Variants in PRDM11 observed in about 807,000 individuals in gnomAD.
PRDM11 encodes the protein PR domain-containing protein 11.
In PRDM11, 20 loss-of-function variants were observed where a neutral mutation model predicts 97.8. That is an observed-to-expected ratio of 0.20 (90% CI 0.14 to 0.30). The LOEUF (loss-of-function observed/expected upper bound fraction) is 0.30, where lower values mean the gene tolerates loss of function less well. PRDM11 is among the 10% of genes least tolerant of loss of function. The probability of loss-of-function intolerance (pLI) is 1.00; values close to 1 mark genes in which losing one functional copy is unlikely to be tolerated. For synonymous variants in PRDM11, 599 were observed against 637.7 expected, an observed-to-expected ratio of 0.94 and a Z score of 0.91; for missense variants, 1,139 against 1,555.2, an observed-to-expected ratio of 0.73 and a Z score of 4.50.
intron 5 of PRDM11, chr11:45,212,575 T>C: frequency 2.2e-6 from 1 of 456,296 alleles, no homozygotes; most frequent in South Asian, 1.5e-5. Flanking sequence ...CCCTGCTCCG[T>C]TCATCCTCCT....
chr11:45,146,316 G>GC (rs957338045), upstream of PRDM11, among the ~76,000 whole-genome samples: 43 of 152,200 alleles, frequency 2.8e-4, no homozygotes, highest in Non-Finnish European at 5.7e-4. Flanking sequence ...GAGCCAGGGA[G>GC]CCCCCCTCAC....
In PRDM11 at chr11:45,224,823, C is replaced by T; in HGVS notation, c.1349C>T (p.Pro450Leu). ...TTGCCACCACAGGTACTGGAGCTCC[C>T]AGAGTTCTCGGACCCTGCAGGTAAG... ...PVLPPQVLELPEFSDPAASES... is the reference protein window; with the variant it reads ...PVLPPQVLELLEFSDPAASES... Residue 450 changes from proline (P) to leucine (L), a missense_variant, in exon 7 of 8, where the codon CCA (proline) becomes CTA (leucine). This residue lies in a region of PRDM11 where 710 missense variants were observed against 1,044.9 expected (regional missense o/e 0.68). Transcript: ENST00000683152. 1.2e-6 allele frequency: 2 copies of T among 1,614,074 alleles called. No individual in the cohort carries two copies. The highest frequency in any genetic ancestry group is 1.7e-6 in the Non-Finnish European group (2 of 1,180,026).
At chr11:45,115,141 ATGTG>A (rs72077365) in intron 1 of PRDM11, among the ~76,000 whole-genome samples, 3,841 of 149,508 alleles carry the variant, frequency 0.026, 167 homozygotes, top group African/African-American at 0.089. Flanking sequence ...TGTATATAGC[ATGTG>A]TGTGTGTGTG....
At chr11:45,164,327 G>A (rs937479362) in intron 1 of PRDM11, among the ~76,000 whole-genome samples, 2 of 152,254 alleles carry the variant, frequency 1.3e-5, no homozygotes, top group African/African-American at 4.8e-5. Flanking sequence ...TGGCCAGGCT[G>A]CGCTCTGCCA....
rs538812007 is a variant in PRDM11, at chr11:45,226,385, G to A, written c.1760G>A (p.Arg587His). 3.1e-5 allele frequency: 48 copies of A among 1,533,938 alleles called. No homozygotes were observed. Among genetic ancestry groups the A allele is most frequent in the African/African-American group, 1.4e-4 (10 of 73,104 alleles). ...CCGGAGAAGACAGAGGAGATGTGTC[G>A]CAACATGACCCTGCTCTTCAACACC... The part of the protein sequence containing the change: ...MHPEKTEEMC[R>H]NMTLLFNTAY... Residue 587 changes from arginine to histidine, a missense_variant, in exon 8 of 8, where the codon CGC becomes CAC. Coordinates refer to ENST00000683152, the MANE Select transcript of PRDM11 (RefSeq NM_001384648.1).
chr11:45,129,273 A>T (rs888990759), intron 1 of PRDM11, among the ~76,000 whole-genome samples: 25 of 152,294 alleles, frequency 1.6e-4, no homozygotes, highest in Admixed American at 9.2e-4. Context: ...ACTTCTATTC[A>T]TCATCGTACT....
chr11:45,121,151 A>G (rs577966575), intron 1 of PRDM11, among the ~76,000 whole-genome samples: 2 of 152,328 alleles, frequency 1.3e-5, no homozygotes, highest in South Asian at 4.1e-4. Flanking sequence ...ACACGATGGT[A>G]GTTTGATACT....
At chr11:45,196,518 T>C (rs1357055432) in intron 4 of PRDM11, among the ~76,000 whole-genome samples, 1 of 152,208 alleles carries the variant, frequency 6.6e-6, no homozygotes, top group African/African-American at 2.4e-5. Flanking sequence ...CTGATCCAGA[T>C]ACTCCTGGAT....
At chr11:45,107,779 G>A (rs910986611) in intron 1 of PRDM11, among the ~76,000 whole-genome samples, 1 of 151,910 alleles carries the variant, frequency 6.6e-6, no homozygotes, top group African/African-American at 2.4e-5. Context: ...ATACATAAAG[G>A]CTCCAGCACA....
intron 1 of PRDM11, among the ~76,000 whole-genome samples, chr11:45,140,930 A>G (rs1049867788): frequency 5.9e-5 from 9 of 152,148 alleles, no homozygotes; most frequent in South Asian, 2.1e-4. Context: ...GAAACCATCA[A>G]TTCCAATACT....
At chr11:45,128,484 C>G (rs1852637134) in intron 1 of PRDM11, among the ~76,000 whole-genome samples, 1 of 152,146 alleles carries the variant, frequency 6.6e-6, no homozygotes, top group Non-Finnish European at 1.5e-5. Flanking sequence ...ATTCAGCCAT[C>G]TTGGCTACAC....
At chr11:45,180,455 C>G (rs1165892982) in intron 1 of PRDM11, among the ~76,000 whole-genome samples, 1 of 151,978 alleles carries the variant, frequency 6.6e-6, no homozygotes, top group African/African-American at 2.4e-5. Context: ...CCTGGCACCC[C>G]CCGGGCCGAG....
chr11:45,123,332 A>T (rs1247385710), intron 1 of PRDM11, among the ~76,000 whole-genome samples: 1 of 152,124 alleles, frequency 6.6e-6, no homozygotes, highest in Non-Finnish European at 1.5e-5. Context: ...TGCTGTGCAG[A>T]AGCTCTTTAG....
chr11:45,186,381 G>A lies in PRDM11; in HGVS notation c.486+3258G>A, dbSNP rs561109705. On this transcript the variant is annotated intron_variant, in intron 4 of 7. Transcript: ENST00000683152. Reference sequence around the variant, plus strand: ...CTGTCCAGAGCACTCTGGTGTGTGTGGCTCTGCAGTAGAGAGATGCTGGGA... The same window carrying A: ...CTGTCCAGAGCACTCTGGTGTGTGTAGCTCTGCAGTAGAGAGATGCTGGGA... 6.6e-5 allele frequency among the ~76,000 whole-genome samples: 10 copies of A among 152,266 alleles called. No homozygotes were observed. The South Asian group carries it at 2.1e-3, about 32-fold the overall frequency.
At chr11:45,137,306 G>A (rs1184630133) in intron 1 of PRDM11, among the ~76,000 whole-genome samples, 2 of 144,182 alleles carry the variant, frequency 1.4e-5, no homozygotes, top group Admixed American at 6.9e-5. Context: ...GGTGGCACAC[G>A]CCTGTAACCC....
At chr11:45,099,450 T>TA (rs532403075) in intron 1 of PRDM11, among the ~76,000 whole-genome samples, 3,496 of 95,166 alleles carry the variant, frequency 0.037, 112 homozygotes, top group East Asian at 0.11. Context: ...GACTCCATCT[T>TA]AAAAAAAAAA....
At chr11:45,117,305 TA>T (rs1395449594) in intron 1 of PRDM11, among the ~76,000 whole-genome samples, 1 of 151,298 alleles carries the variant, frequency 6.6e-6, no homozygotes, top group Admixed American at 6.6e-5. Flanking sequence ...AAAGTTCCAT[TA>T]GATGATAACC....
At chr11:45,225,167 C>A in intron 7 of PRDM11, 1 of 1,316,368 alleles carries the variant, frequency 7.6e-7, no homozygotes, top group Non-Finnish European at 9.8e-7. Context: ...ATTTCTAAAC[C>A]CAGTCTTTCT....
At chr11:45,183,795 A>G (rs1233781767) in intron 4 of PRDM11, among the ~76,000 whole-genome samples, 1 of 152,198 alleles carries the variant, frequency 6.6e-6, no homozygotes, top group African/African-American at 2.4e-5. Context: ...AAAGCATTCT[A>G]GAGGGTAAGA....
Sources: allele counts gnomAD v4.1 joint callset (sites outside exome capture counted in the v4.1 genomes callset), GRCh38; gene constraint gnomAD v4.1.1; regional missense constraint gnomAD v4.1.1; transcripts MANE v1.5; gene names NCBI Gene and HGNC (gene_info 2026-07-23, HGNC 2026-07-21).